The following TMEM72 variants were observed in gnomAD, a reference collection of about 807,000 sequenced individuals.
TMEM72 encodes the protein transmembrane protein 72, also known as kidney-specific secretory protein of 37 kDa.
In TMEM72, 9 loss-of-function variants were observed where a neutral mutation model predicts 16.3. The observed-to-expected ratio is 0.55, with a 90% CI of 0.33 to 0.96. The LOEUF is 0.96. Ranked by LOEUF, TMEM72 falls within the 40% of genes least tolerant of loss-of-function variation. The pLI is 0.03. For missense variants in TMEM72, 324 were observed against 337.8 expected (o/e 0.96, Z 0.32); for synonymous variants, 160 against 146.5 (o/e 1.09, Z -0.66).
intron 4 of TMEM72, among the ~76,000 whole-genome samples, chr10:44,934,164 GAA>G (rs1398248255): frequency 1.3e-5 from 2 of 152,132 alleles, no homozygotes; most frequent in Non-Finnish European, 2.9e-5. Context: ...AGCCTGGTTT[GAA>G]AGGCACTTCA....
intron 1 of TMEM72, among the ~76,000 whole-genome samples, chr10:44,921,325 G>A (rs1052732358): frequency 6.6e-6 from 1 of 152,164 alleles, no homozygotes; most frequent in African/African-American, 2.4e-5. Context: ...GGGAGCCTGA[G>A]GTGGGATAAT....
At chr10:44,913,849 C>T (rs1839974446) in intron 1 of TMEM72, among the ~76,000 whole-genome samples, 1 of 152,172 alleles carries the variant, frequency 6.6e-6, no homozygotes, top group Non-Finnish European at 1.5e-5. Context: ...AAGGGCACTG[C>T]TGCTAGAGAG....
At chr10:44,934,431 C>A (rs1373734387) in intron 4 of TMEM72, among the ~76,000 whole-genome samples, 1 of 152,182 alleles carries the variant, frequency 6.6e-6, no homozygotes, top group Non-Finnish European at 1.5e-5. Context: ...AAAAGCAGAG[C>A]CTCCATCCTT....
Position 44,926,746 on chromosome 10 carries a change from G to C in TMEM72, c.71-1175G>C, listed in dbSNP as rs74717852. ...CCTCTTCTCACCTGCCTAGATCCAA[G>C]TGCTCTGTCCCCTTTCCCCGGCCCC... On this transcript the variant is annotated intron_variant, in intron 1 of 4. Coordinates refer to ENST00000389583, the MANE Select transcript of TMEM72 (RefSeq NM_001123376.3). Among the ~76,000 whole-genome samples the C allele has an allele frequency of 5.8e-3, 889 of 152,220 alleles. 24 individuals are homozygous for C. The East Asian group carries it at 0.079, about 14-fold the overall frequency.
At chr10:44,932,859 G>A (rs1414961214) in intron 3 of TMEM72, among the ~76,000 whole-genome samples, 1 of 152,210 alleles carries the variant, frequency 6.6e-6, no homozygotes, top group Non-Finnish European at 1.5e-5. Flanking sequence ...CCACACACAC[G>A]CAGGAATGGG....
At chr10:44,927,188 AT>A (rs1175377617) in intron 1 of TMEM72, among the ~76,000 whole-genome samples, 1 of 152,152 alleles carries the variant, frequency 6.6e-6, no homozygotes, top group Non-Finnish European at 1.5e-5. Context: ...TGCCCCTGCA[AT>A]GTTTCTATTG....
chr10:44,912,851 G>A (rs1275028834), intron 1 of TMEM72, among the ~76,000 whole-genome samples: 1 of 152,164 alleles, frequency 6.6e-6, no homozygotes, highest in East Asian at 1.9e-4. Flanking sequence ...GATCATGAAG[G>A]GCTGCTGGAT....
rs1840386469 is a variant in TMEM72, at chr10:44,935,485, A to T, written c.*351A>T. 4.4e-6 allele frequency: 1 copy of T among 226,824 alleles called. No homozygotes were observed. Among genetic ancestry groups the T allele is most frequent in the South Asian group, 1.6e-4 (1 of 6,154 alleles). The allele number at this position is 226,824 out of a possible 1,614,324, so 14.1% of individuals were successfully genotyped here. On this transcript the variant is annotated 3_prime_UTR_variant, in exon 5 of 5. Coordinates refer to ENST00000389583, the MANE Select transcript of TMEM72 (RefSeq NM_001123376.3). ...GGGACAGAGGATGTCTGCCCAGCAA[A>T]AGCCTCTGGGCTTTTCTTACTCCCA...
At chr10:44,930,238 C>A (rs1214128713) in intron 2 of TMEM72, among the ~76,000 whole-genome samples, 1 of 152,238 alleles carries the variant, frequency 6.6e-6, no homozygotes. Flanking sequence ...CCCTGCCACT[C>A]AATAGCACCA....
intron 1 of TMEM72, among the ~76,000 whole-genome samples, chr10:44,925,076 A>C (rs1003889754): frequency 2.6e-5 from 4 of 152,228 alleles, no homozygotes; most frequent in Non-Finnish European, 5.9e-5. Context: ...GTTGTAACTT[A>C]TTCTGCCCCT....
chr10:44,912,724 G>C (rs1166218419), intron 1 of TMEM72, among the ~76,000 whole-genome samples: 1 of 152,228 alleles, frequency 6.6e-6, no homozygotes, highest in Non-Finnish European at 1.5e-5. Flanking sequence ...CCTCTCAGCA[G>C]AAGCCCCCAT....
intron 1 of TMEM72, 144 bp downstream of exon 1, chr10:44,911,726 C>A: frequency 1.1e-6 from 1 of 906,540 alleles, no homozygotes; most frequent in Non-Finnish European, 1.7e-6. Flanking sequence ...CCTAGAAACA[C>A]TGCTCTGTAG....
chr10:44,924,975 T>G (rs913721591), intron 1 of TMEM72, among the ~76,000 whole-genome samples: 2 of 152,210 alleles, frequency 1.3e-5, no homozygotes, highest in Non-Finnish European at 2.9e-5. Flanking sequence ...GTCACCTCTT[T>G]GCATTGATCA....
intron 1 of TMEM72, among the ~76,000 whole-genome samples, chr10:44,926,378 C>A (rs1048434899): frequency 6.6e-6 from 1 of 152,216 alleles, no homozygotes; most frequent in Non-Finnish European, 1.5e-5. Context: ...ACACAGGCCA[C>A]TGAGCCTCAC....
chr10:44,933,764 G>A lies in TMEM72; in HGVS notation c.337G>A (p.Val113Met), dbSNP rs760961065. 35 of 1,613,718 alleles carry A rather than the reference G, an allele frequency of 2.2e-5. No homozygotes were observed. In the East Asian group the frequency reaches 3.1e-4, roughly 14 times the overall value. ...CCTCCACCCGGTCCTGGTCTGGCAC[G>A]TGACCATCCCAGGTAAGAGCACAGG... ...CFLHPVLVWH[V>M]TIPGSMLIIT... Residue 113 changes from valine to methionine, a missense_variant, in exon 4 of 5, where the codon GTG becomes ATG. By Grantham distance (21) the Val-to-Met change is conservative (BLOSUM62 1). Coordinates refer to ENST00000389583, the MANE Select transcript of TMEM72 (RefSeq NM_001123376.3).
At chr10:44,922,573 G>A (rs1215257040) in intron 1 of TMEM72, among the ~76,000 whole-genome samples, 1 of 152,214 alleles carries the variant, frequency 6.6e-6, no homozygotes, top group Non-Finnish European at 1.5e-5. Context: ...TGGGGTGAGT[G>A]TTGGATACGG....
intron 1 of TMEM72, among the ~76,000 whole-genome samples, chr10:44,913,882 G>T (rs1839974950): frequency 6.6e-6 from 1 of 152,194 alleles, no homozygotes; most frequent in Non-Finnish European, 1.5e-5. Context: ...GAAATAGAGG[G>T]CCTCACTTTG....
At position 44,928,469 on chromosome 10, in the gene TMEM72, T is replaced by C. The variant is rs77293768; in HGVS notation, c.137+482T>C. On this transcript the variant is annotated intron_variant, in intron 2 of 4. Coordinates refer to ENST00000389583, the MANE Select transcript of TMEM72 (RefSeq NM_001123376.3). ...ATTCACCCACCCATCTATTTATCCA[T>C]CCACCCACCCATCCATCCATCTGCC... 5.9e-3 allele frequency among the ~76,000 whole-genome samples: 899 copies of C among 151,200 alleles called. 24 individuals carry two copies. The East Asian group carries it at 0.081, about 14-fold the overall frequency.
Position 44,936,667 on chromosome 10 carries a change from A to G in TMEM72, c.*1533A>G, listed in dbSNP as rs1171631826. On this transcript the variant is annotated 3_prime_UTR_variant, in exon 5 of 5. Transcript: ENST00000389583. ...AGGACCTGACTGTCTACAGTCAGGG[A>G]ATAGTGAACAATATGGGATATGGGT... 6.6e-6 allele frequency: 1 copy of G among 152,228 alleles called. No homozygotes were observed. The highest frequency in any genetic ancestry group is 1.5e-5 in the Non-Finnish European group (1 of 68,046). 9.4% of individuals were successfully genotyped at this position (152,228 alleles called of 1,614,324 possible).
Sources: allele counts gnomAD v4.1 joint callset (sites outside exome capture counted in the v4.1 genomes callset), GRCh38; gene constraint gnomAD v4.1.1; transcripts MANE v1.5; gene names NCBI Gene and HGNC (gene_info 2026-07-23, HGNC 2026-07-21).